Variants in LRMDA observed in about 807,000 individuals in gnomAD.
LRMDA encodes the protein leucine rich melanocyte differentiation associated, also known as leucine-rich melanocyte differentiation-associated protein.
LRMDA carries 18 observed loss-of-function variants against 29.8 expected under a neutral mutation model. The observed-to-expected ratio is 0.60, with a 90% CI of 0.42 to 0.90. The LOEUF (loss-of-function observed/expected upper bound fraction) is 0.90, where lower values mean the gene tolerates loss of function less well. LRMDA is among the 40% of genes least tolerant of loss of function. LRMDA has a pLI of 0.00. For synonymous variants in LRMDA, 125 were observed against 109.4 expected (o/e 1.14, Z -0.89); for missense variants, 273 against 273.9 (o/e 1.00, Z 0.02).
intron 2 of LRMDA, among the ~76,000 whole-genome samples, chr10:75,563,018 T>C (rs1840319642): frequency 6.6e-6 from 1 of 152,150 alleles, no homozygotes; most frequent in African/African-American, 2.4e-5. Flanking sequence ...TTGGAGTTGC[T>C]CTTCTTGAGG....
intron 5 of LRMDA, among the ~76,000 whole-genome samples, chr10:76,250,511 A>G (rs960899473): frequency 6.6e-6 from 1 of 152,176 alleles, no homozygotes; most frequent in Non-Finnish European, 1.5e-5. Context: ...ACTTTGGAAA[A>G]CCAAAAAATG....
intron 6 of LRMDA, among the ~76,000 whole-genome samples, chr10:76,332,192 T>C (rs1840912817): frequency 6.6e-6 from 1 of 152,232 alleles, no homozygotes; most frequent in African/African-American, 2.4e-5. Context: ...ATGTGTGCAC[T>C]CGCTGTCTGC....
At chr10:75,505,913 A>T (rs1377104481) in intron 2 of LRMDA, among the ~76,000 whole-genome samples, 1 of 152,170 alleles carries the variant, frequency 6.6e-6, no homozygotes, top group Non-Finnish European at 1.5e-5. Context: ...GTTTATTAAG[A>T]GTCTACTATG....
chr10:75,889,392 A>G (rs1845445041), intron 2 of LRMDA, among the ~76,000 whole-genome samples: 2 of 152,212 alleles, frequency 1.3e-5, no homozygotes, highest in Admixed American at 6.5e-5. Flanking sequence ...GTTAGAAGGA[A>G]TTGCTGGTAG....
chr10:75,785,114 A>G (rs1351704138), intron 2 of LRMDA, among the ~76,000 whole-genome samples: 3 of 152,228 alleles, frequency 2.0e-5, no homozygotes, highest in African/African-American at 7.2e-5. Flanking sequence ...CCTGGAGATT[A>G]TTGGAGATTT....
intron 2 of LRMDA, among the ~76,000 whole-genome samples, chr10:75,736,569 A>T (rs889159191): frequency 1.3e-5 from 2 of 152,218 alleles, no homozygotes; most frequent in African/African-American, 4.8e-5. Flanking sequence ...GTAATGTAAT[A>T]CTAAATGCTA....
At chr10:75,453,569 C>T (rs985996359) in intron 2 of LRMDA, among the ~76,000 whole-genome samples, 4 of 152,248 alleles carry the variant, frequency 2.6e-5, no homozygotes, top group African/African-American at 9.6e-5. Flanking sequence ...GACATACAAC[C>T]CTCTAGAGGT....
intron 2 of LRMDA, among the ~76,000 whole-genome samples, chr10:75,915,591 G>A (rs1041337374): frequency 6.6e-6 from 1 of 152,180 alleles, no homozygotes; most frequent in South Asian, 2.1e-4. Context: ...GTTCAGAGAG[G>A]TTAAGTGACT....
chr10:75,728,480 T>G lies in LRMDA; in HGVS notation c.131+289986T>G, dbSNP rs143811735. On this transcript the variant is annotated intron_variant, in intron 2 of 6. Coordinates refer to ENST00000611255, the MANE Select transcript of LRMDA (RefSeq NM_001305581.2). ...TGTGTGTGTGTGTGTGTATGAAAGG[T>G]GCATATACAGAGGTGGTAGACACTG... Among the ~76,000 whole-genome samples the G allele has an allele frequency of 5.2e-3, 759 of 147,256 alleles. 10 individuals are homozygous for G. Among genetic ancestry groups the G allele is most frequent in the African/African-American group, 0.018 (728 of 39,664 alleles).
At chr10:75,970,083 T>C (rs1846938930) in intron 2 of LRMDA, among the ~76,000 whole-genome samples, 1 of 152,228 alleles carries the variant, frequency 6.6e-6, no homozygotes, top group Non-Finnish European at 1.5e-5. Flanking sequence ...TCTACTTTTT[T>C]TGAGGTGTCC....
Position 76,088,389 on chromosome 10 carries a change from G to A in LRMDA, c.516+29606G>A, listed in dbSNP as rs979458216. On this transcript the variant is annotated intron_variant, in intron 5 of 6. Coordinates refer to ENST00000611255, the MANE Select transcript of LRMDA (RefSeq NM_001305581.2). ...GCTTCATTCTTCCTATTGAGGAGGG[G>A]TTCATTTATCTCTAGGAGAGTTATC... is the stretch of plus-strand genomic sequence containing the variant. Among the ~76,000 whole-genome samples the A allele has an allele frequency of 5.3e-5, 8 of 152,150 alleles. No individual in the cohort carries two copies. The East Asian group carries it at 7.7e-4, about 15-fold the overall frequency.
intron 5 of LRMDA, among the ~76,000 whole-genome samples, chr10:76,284,348 T>C (rs923532564): frequency 2.0e-5 from 3 of 151,908 alleles, no homozygotes; most frequent in Non-Finnish European, 2.9e-5. Context: ...ATTGGAGCAA[T>C]GTGCTTTTGA....
rs561266998 is a variant in LRMDA at position 75,808,155 on chromosome 10, G to A, written c.132-227853G>A. Among the ~76,000 whole-genome samples the A allele has an allele frequency of 2.0e-5, 3 of 152,234 alleles. No individual in the cohort carries two copies. In the South Asian group the frequency reaches 6.2e-4, roughly 32 times the overall value. On this transcript the variant is annotated intron_variant, in intron 2 of 6. Transcript: ENST00000611255. ...CCTCATTCTTTAGTGTGGGAGAGCC[G>A]CAGATGAGATGTCCCTGCCTTCTGG...
At chr10:75,929,444 C>T (rs1846174456) in intron 2 of LRMDA, among the ~76,000 whole-genome samples, 1 of 152,168 alleles carries the variant, frequency 6.6e-6, no homozygotes, top group Non-Finnish European at 1.5e-5. Context: ...TGCCAGCCAT[C>T]ACCTTGGTGG....
chr10:75,497,054 ACATATG>A (rs1845052755), intron 2 of LRMDA, among the ~76,000 whole-genome samples: 1 of 151,834 alleles, frequency 6.6e-6, no homozygotes, highest in African/African-American at 2.4e-5. Flanking sequence ...GGAATGAAAG[ACATATG>A]CATGGGTGGG....
chr10:75,451,879 A>AG (rs906174690), intron 2 of LRMDA, among the ~76,000 whole-genome samples: 1 of 151,602 alleles, frequency 6.6e-6, no homozygotes, highest in Non-Finnish European at 1.5e-5. Flanking sequence ...CTCTGGTAAA[A>AG]AAAAAAAAAA....
intron 2 of LRMDA, among the ~76,000 whole-genome samples, chr10:75,717,567 C>T (rs1842517243): frequency 6.6e-6 from 1 of 152,180 alleles, no homozygotes. Context: ...CCTTCGATGT[C>T]CTCTTGGTGT....
intron 4 of LRMDA, among the ~76,000 whole-genome samples, chr10:76,052,135 G>A (rs1185550510): frequency 1.3e-5 from 2 of 152,166 alleles, no homozygotes; most frequent in East Asian, 3.9e-4. Flanking sequence ...TGCCTTCAGG[G>A]GTCTCAGGTA....
intron 5 of LRMDA, among the ~76,000 whole-genome samples, chr10:76,146,514 C>T (rs1225233214): frequency 1.3e-5 from 2 of 151,648 alleles, no homozygotes; most frequent in Non-Finnish European, 2.9e-5. Context: ...GGATTGCAAC[C>T]ACTGCCTTTT....
Sources: allele counts gnomAD v4.1 joint callset (sites outside exome capture counted in the v4.1 genomes callset), GRCh38; gene constraint gnomAD v4.1.1; transcripts MANE v1.5; gene names NCBI Gene and HGNC (gene_info 2026-07-23, HGNC 2026-07-21).